The following RAB29 variants were observed in gnomAD, a reference collection of about 807,000 sequenced individuals.
The protein encoded by RAB29 is ras-related protein Rab-29.
In RAB29, 13 loss-of-function variants were observed where a neutral mutation model predicts 25.5. The observed-to-expected ratio is 0.51, with a 90% CI of 0.33 to 0.81. The LOEUF (loss-of-function observed/expected upper bound fraction) is 0.81, where lower values mean the gene tolerates loss of function less well. Among genes scored for constraint, RAB29 ranks in the 30% least tolerant of loss-of-function variants. RAB29 has a pLI of 0.02. For missense variants in RAB29, 201 were observed against 254.9 expected, an observed-to-expected ratio of 0.79 and a Z score of 1.44; for synonymous variants, 88 against 95.0, an observed-to-expected ratio of 0.93 and a Z score of 0.43.
chr1:205,774,798 T>G, intron 2 of RAB29, 35 bp downstream of exon 2: 485 of 658,092 alleles, frequency 7.4e-4, no homozygotes, highest in Non-Finnish European at 1.2e-3. Context: ...GGCCTCCTCC[T>G]CCCCCTCCCC....
chr1:205,771,883 C>T (rs1027776105), intron 3 of RAB29, among the ~76,000 whole-genome samples: 6 of 151,826 alleles, frequency 4.0e-5, no homozygotes, highest in Admixed American at 2.0e-4. Flanking sequence ...TATTTGACTT[C>T]GGGCAAATCA....
intron 2 of RAB29, among the ~76,000 whole-genome samples, chr1:205,774,558 C>T (rs1655200842): frequency 6.6e-6 from 1 of 152,214 alleles, no homozygotes; most frequent in Non-Finnish European, 1.5e-5. Context: ...TGCTCATCCT[C>T]ATCCTCCCTT....
chr1:205,773,644 C>T (rs1655141631), intron 2 of RAB29, among the ~76,000 whole-genome samples: 1 of 152,074 alleles, frequency 6.6e-6, no homozygotes, highest in Admixed American at 6.5e-5. Flanking sequence ...TCTCAGTTTC[C>T]CGAGTAGCTG....
intron 5 of RAB29, 71 bp downstream of exon 5, chr1:205,770,662 A>G: frequency 6.2e-7 from 1 of 1,604,098 alleles, no homozygotes; most frequent in Non-Finnish European, 8.5e-7. Context: ...CTCAGAAATA[A>G]GAAAAGAGGG....
chr1:205,774,795 T>TCCTCCC (rs762102686), intron 2 of RAB29, 38 bp downstream of exon 2: 9 of 860,444 alleles, frequency 1.0e-5, no homozygotes, highest in East Asian at 6.4e-5. Flanking sequence ...CGGGGCCTCC[T>TCCTCCC]CCTCCCCCTC....
At chr1:205,770,540 T>C in intron 5 of RAB29, 87 bp from the exon 6 acceptor site, 1 of 1,428,896 alleles carries the variant, frequency 7.0e-7, no homozygotes, top group East Asian at 2.4e-5. Flanking sequence ...TCAGAGAGTA[T>C]TTGGTAAAGC....
intron 4 of RAB29, chr1:205,771,142 CA>C: frequency 4.4e-6 from 2 of 458,550 alleles, no homozygotes; most frequent in Non-Finnish European, 7.9e-6. Flanking sequence ...ACTAAAAATA[CA>C]AAAAAATTAG....
rs1654806031 is a variant in RAB29, at chr1:205,768,194, T to G, written c.*2148A>C. On this transcript the variant is annotated 3_prime_UTR_variant, in exon 6 of 6. Coordinates refer to ENST00000367139, the MANE Select transcript of RAB29 (RefSeq NM_003929.3). ...CTGTGCAAGTTAAAATAATTGGCATTAAAACGACACACAACAAACCACCGA... is the reference window on the plus strand; with the variant it reads ...CTGTGCAAGTTAAAATAATTGGCATGAAAACGACACACAACAAACCACCGA... 1 of 152,224 alleles carries G rather than the reference T, an allele frequency of 6.6e-6. No individual in the cohort carries two copies. Among genetic ancestry groups the G allele is most frequent in the Non-Finnish European group, 1.5e-5 (1 of 68,040 alleles). The allele number at this position is 152,224 out of a possible 1,614,324, so 9.4% of individuals were successfully genotyped here.
chr1:205,771,528 T>C lies in RAB29; in HGVS notation c.322A>G (p.Ser108Gly). The C allele has an allele frequency of 6.2e-7, 1 of 1,614,202 alleles. No individual in the cohort carries two copies. Among genetic ancestry groups the C allele is most frequent in the Non-Finnish European group, 8.5e-7 (1 of 1,180,040 alleles). The change falls in exon 4 of 6, where the codon AGC becomes GGC. Residue 108 changes from serine (S) to glycine (G), a missense_variant. Ser to Gly is a moderately conservative substitution (Grantham distance 56). Transcript: ENST00000367139. ...TCTCCATTGGGTAGTGTGAGCTTGC[T>C]GTCTAGGTCCTGTTTCCACCTCTGG... is the stretch of plus-strand genomic sequence containing the variant. ...NSQRWKQDLD[S>G]KLTLPNGEPV...
Position 205,769,834 on chromosome 1 carries a change from C to A in RAB29, c.*508G>T. The A allele has an allele frequency of 1.5e-5, 1 of 68,446 alleles. No homozygotes were observed. Among genetic ancestry groups the A allele is most frequent in the South Asian group, 3.5e-4 (1 of 2,822 alleles). The allele number at this position is 68,446 out of a possible 1,614,324, so 4.2% of individuals were successfully genotyped here. A position where few individuals can be genotyped will look rare whatever the true frequency, so the allele number is the denominator to read the frequency against. On this transcript the variant is annotated 3_prime_UTR_variant, in exon 6 of 6. Transcript: ENST00000367139. ...GGGACACTTCTAGTAGCCAAAAATCCACAGATGCCCAGACCCCCTCCTTCT... is the reference window on the plus strand; with the variant it reads ...GGGACACTTCTAGTAGCCAAAAATCAACAGATGCCCAGACCCCCTCCTTCT...
intron 2 of RAB29, 68 bp from the exon 3 acceptor site, chr1:205,772,635 A>G (rs1326814981): frequency 9.2e-6 from 13 of 1,417,034 alleles, no homozygotes; most frequent in Non-Finnish European, 1.3e-5. Flanking sequence ...ATAAACTCAA[A>G]TCAAATAGGC....
At chr1:205,773,902 T>C (rs1209784546) in intron 2 of RAB29, among the ~76,000 whole-genome samples, 1 of 152,244 alleles carries the variant, frequency 6.6e-6, no homozygotes. Flanking sequence ...ACATTTTCAA[T>C]TTTTCCATTG....
At chr1:205,774,737 C>T in intron 2 of RAB29, 96 bp downstream of exon 2, 2 of 1,344,084 alleles carry the variant, frequency 1.5e-6, no homozygotes, top group Non-Finnish European at 2.1e-6. Context: ...ACCCAACAAC[C>T]GACAGCAAAT....
rs1196924002 is a variant in RAB29, at chr1:205,770,462, C to CA, written c.501-10dup. 1.2e-6 allele frequency: 2 copies of CA among 1,609,178 alleles called. No individual in the cohort carries two copies. The highest frequency in any genetic ancestry group is 2.2e-5 in the East Asian group (1 of 44,862). ...TCTTTTCAATGAGGACTCTAAAAGA[C>CA]AAAAAATAAGCCTGAGAAGCTTATT... On this transcript the variant is annotated splice_polypyrimidine_tract_variant and intron_variant, in intron 5 of 5. Coordinates refer to ENST00000367139, the MANE Select transcript of RAB29 (RefSeq NM_003929.3).
chr1:205,770,507 G>A, intron 5 of RAB29, 54 bp from the exon 6 acceptor site: 1 of 1,512,328 alleles, frequency 6.6e-7, no homozygotes, highest in South Asian at 1.1e-5. Context: ...AAGCAGAAAT[G>A]GCAGATGTAG....
rs967681856 is a variant in RAB29, at chr1:205,768,392, C to CT, written c.*1949_*1950insA. 6.6e-6 allele frequency: 1 copy of CT among 152,172 alleles called. No homozygotes were observed. Among genetic ancestry groups the CT allele is most frequent in the African/African-American group, 2.4e-5 (1 of 41,432 alleles). 9.4% of individuals were successfully genotyped at this position (152,172 alleles called of 1,614,324 possible). The stretch of plus-strand genomic sequence containing the variant: ...AAAGGTCTGGGTCTCTGTATCTTTA[C>CT]AAAGTTCTCCAGCAATGGTTTCCAA... On this transcript the variant is annotated 3_prime_UTR_variant, in exon 6 of 6. Coordinates refer to ENST00000367139, the MANE Select transcript of RAB29 (RefSeq NM_003929.3).
intron 4 of RAB29, chr1:205,771,253 C>T (rs1050276635): frequency 4.0e-5 from 23 of 582,124 alleles, no homozygotes; most frequent in African/African-American, 2.1e-4. Context: ...GAGCCGAGAT[C>T]GCGCCACTGC....
intron 3 of RAB29, among the ~76,000 whole-genome samples, chr1:205,772,221 A>G (rs1655065278): frequency 6.6e-6 from 1 of 152,140 alleles, no homozygotes; most frequent in Non-Finnish European, 1.5e-5. Flanking sequence ...AAACCTAGAA[A>G]AAGCACCCTC....
In RAB29 at chr1:205,770,385, T is replaced by C; in HGVS notation, c.569A>G (p.Tyr190Cys). The C allele has an allele frequency of 8.1e-6, 13 of 1,614,214 alleles. No individual in the cohort carries two copies. Among genetic ancestry groups the C allele is most frequent in the Non-Finnish European group, 1.1e-5 (13 of 1,180,006 alleles). Reference sequence around the variant, plus strand: ...GGAGGACTTGGTTTGTAGATTGATGTAGTCCCCTTGGGTGGACAAAGACAT... The same window carrying C: ...GGAGGACTTGGTTTGTAGATTGATGCAGTCCCCTTGGGTGGACAAAGACAT... ...DIMSLSTQGD[Y>C]INLQTKSSSW... is the part of the protein sequence containing the mutation. Residue 190 changes from tyrosine to cysteine, a missense_variant, in exon 6 of 6, where the codon TAC becomes TGC. Coordinates refer to ENST00000367139, the MANE Select transcript of RAB29 (RefSeq NM_003929.3).
Sources: allele counts gnomAD v4.1 joint callset (sites outside exome capture counted in the v4.1 genomes callset), GRCh38; gene constraint gnomAD v4.1.1; transcripts MANE v1.5; gene names NCBI Gene and HGNC (gene_info 2026-07-23, HGNC 2026-07-21).